SLC7A14: variants seen among roughly 807,000 people sequenced by gnomAD.
SLC7A14 encodes the protein solute carrier family 7 member 14.
Under a neutral mutation model 60.2 loss-of-function variants are expected in SLC7A14, and 37 were observed. The observed-to-expected ratio is 0.61, with a 90% confidence interval of 0.47 to 0.81. The LOEUF is 0.81. Ranked by LOEUF, SLC7A14 falls within the 30% of genes least tolerant of loss-of-function variation. SLC7A14 has a pLI of 0.00. For synonymous variants in SLC7A14, 399 were observed against 395.8 expected (o/e 1.01, Z -0.10); for missense variants, 886 against 982.7 (o/e 0.90, Z 1.32).
rs71176571 is a variant in SLC7A14, at chr3:170,515,320, CAA to C, written c.304+11311_304+11312del. 2.1e-3 allele frequency among the ~76,000 whole-genome samples: 259 copies of C among 124,726 alleles called. 1 individual carries two copies. The highest frequency in any genetic ancestry group is 6.4e-3 in the African/African-American group (205 of 32,062). 81.8% of individuals were successfully genotyped at this position (124,726 alleles called of 152,430 possible). On this transcript the variant is annotated intron_variant, in intron 2 of 7. Transcript: ENST00000231706. The stretch of plus-strand genomic sequence containing the variant: ...AGAGTGAGACTCTGTCCGCCCCCCC[CAA>C]AAAAAAAATATATATATATGTATAT...
Position 170,464,603 on chromosome 3 carries a change from G to T in SLC7A14, c.*2452C>A, listed in dbSNP as rs1739676895. The T allele has an allele frequency of 6.6e-6, 1 of 151,908 alleles. No homozygotes were observed. Among genetic ancestry groups the T allele is most frequent in the Non-Finnish European group, 1.5e-5 (1 of 67,974 alleles). 9.4% of individuals were successfully genotyped at this position (151,908 alleles called of 1,614,324 possible). ...CTAGGGAGGTGATTTATCAACTTTA[G>T]AAAAATAAAGGGAGCTAAGCTTAAA... On this transcript the variant is annotated 3_prime_UTR_variant, in exon 8 of 8. Transcript: ENST00000231706.
At chr3:170,517,087 A>G (rs1189760407) in intron 2 of SLC7A14, among the ~76,000 whole-genome samples, 2 of 151,424 alleles carry the variant, frequency 1.3e-5, no homozygotes, top group African/African-American at 4.9e-5. Flanking sequence ...TGATAGGAAG[A>G]TTGAAAGAAT....
intron 3 of SLC7A14, 110 bp downstream of exon 3, chr3:170,500,999 T>G (rs1712588442): frequency 1.1e-6 from 1 of 902,642 alleles, no homozygotes; most frequent in Non-Finnish European, 1.8e-6. Context: ...AAAAGAGAGA[T>G]ATATTTAAGG....
chr3:170,525,927 C>T (rs1386641881), intron 2 of SLC7A14, among the ~76,000 whole-genome samples: 1 of 152,128 alleles, frequency 6.6e-6, no homozygotes, highest in Non-Finnish European at 1.5e-5. Context: ...AAAAATTAGC[C>T]AGGCGTTGTG....
intron 1 of SLC7A14, among the ~76,000 whole-genome samples, chr3:170,561,926 T>C (rs1477252081): frequency 6.6e-6 from 1 of 151,932 alleles, no homozygotes; most frequent in Non-Finnish European, 1.5e-5. Flanking sequence ...GAAATGCAAA[T>C]AAAACCACAA....
intron 1 of SLC7A14, among the ~76,000 whole-genome samples, chr3:170,549,721 A>G (rs989142336): frequency 2.6e-5 from 4 of 152,320 alleles, no homozygotes; most frequent in Admixed American, 1.3e-4. Flanking sequence ...ATCCTTTGAG[A>G]ATAAACAATG....
At chr3:170,493,344 A>G (rs1388569667) in intron 4 of SLC7A14, among the ~76,000 whole-genome samples, 1 of 152,238 alleles carries the variant, frequency 6.6e-6, no homozygotes, top group East Asian at 1.9e-4. Context: ...GAGCAGGGGA[A>G]AGAGTAGGTT....
At chr3:170,583,211 A>G (rs963107987) in intron 1 of SLC7A14, among the ~76,000 whole-genome samples, 3 of 152,234 alleles carry the variant, frequency 2.0e-5, no homozygotes, top group African/African-American at 7.2e-5. Flanking sequence ...TAGGGCAAGT[A>G]AAGAAATGAC....
At chr3:170,482,232 G>A (rs1711855944) in intron 6 of SLC7A14, among the ~76,000 whole-genome samples, 1 of 152,130 alleles carries the variant, frequency 6.6e-6, no homozygotes, top group African/African-American at 2.4e-5. Flanking sequence ...GTTCACACAA[G>A]ACTGTAAATG....
intron 4 of SLC7A14, among the ~76,000 whole-genome samples, chr3:170,498,274 T>C (rs561055303): frequency 3.3e-5 from 5 of 152,326 alleles, no homozygotes; most frequent in African/African-American, 1.2e-4. Context: ...TGTTTAACAG[T>C]AAGCCATTTG....
At chr3:170,580,660 A>G (rs1715210597) in intron 1 of SLC7A14, among the ~76,000 whole-genome samples, 3 of 152,324 alleles carry the variant, frequency 2.0e-5, no homozygotes, top group Admixed American at 2.0e-4. Context: ...TTAACTCTAA[A>G]CAAAGGTAAA....
rs1264161840 is a variant in SLC7A14 at position 170,496,521 on chromosome 3, A to G, written c.759+2146T>C. 27 of 1,554,158 alleles carry G rather than the reference A, an allele frequency of 1.7e-5. No individual in the cohort carries two copies. In the East Asian group the frequency reaches 6.1e-4, roughly 35 times the overall value. ...GCTGGAGGCCGCCCTGCAGCGGGCC[A>G]AGCAGGACATGGCGCAGCAGCTGCG... On this transcript the variant is annotated intron_variant, in intron 4 of 7. Coordinates refer to ENST00000231706, the MANE Select transcript of SLC7A14 (RefSeq NM_020949.3).
chr3:170,506,217 T>C (rs917734056), intron 2 of SLC7A14, among the ~76,000 whole-genome samples: 2 of 152,180 alleles, frequency 1.3e-5, no homozygotes, highest in African/African-American at 4.8e-5. Context: ...CCTTGAGAAA[T>C]ATAAAGGATT....
intron 1 of SLC7A14, among the ~76,000 whole-genome samples, chr3:170,531,551 T>A (rs1225620169): frequency 6.6e-6 from 1 of 152,194 alleles, no homozygotes; most frequent in African/African-American, 2.4e-5. Context: ...CCTGAGTGCT[T>A]GCTTTATTGA....
At chr3:170,522,817 C>T (rs954757939) in intron 2 of SLC7A14, among the ~76,000 whole-genome samples, 2 of 152,158 alleles carry the variant, frequency 1.3e-5, no homozygotes, top group African/African-American at 2.4e-5. Flanking sequence ...TAAAACTGAA[C>T]TCCAACATCC....
intron 5 of SLC7A14, among the ~76,000 whole-genome samples, chr3:170,485,383 G>A (rs1711992021): frequency 6.6e-6 from 1 of 152,208 alleles, no homozygotes; most frequent in Non-Finnish European, 1.5e-5. Flanking sequence ...CTGATCAGCA[G>A]CAGCACCCCC....
At chr3:170,512,873 C>T (rs540913813) in intron 2 of SLC7A14, among the ~76,000 whole-genome samples, 10 of 151,766 alleles carry the variant, frequency 6.6e-5, no homozygotes, top group Admixed American at 3.9e-4. Context: ...CCGTTTTAGC[C>T]GGGATGGTCT....
chr3:170,558,775 A>G (rs960212992), intron 1 of SLC7A14, among the ~76,000 whole-genome samples: 1 of 152,242 alleles, frequency 6.6e-6, no homozygotes, highest in Non-Finnish European at 1.5e-5. Context: ...GAAGAATTAC[A>G]GAGCTGGATT....
At chr3:170,468,035 T>C (rs1371415350) in intron 7 of SLC7A14, among the ~76,000 whole-genome samples, 3 of 152,224 alleles carry the variant, frequency 2.0e-5, no homozygotes, top group African/African-American at 7.2e-5. Flanking sequence ...TACTATTATG[T>C]CCCTTAGAAC....
Sources: gnomAD v4.1 joint callset for allele counts (sites outside exome capture counted in the v4.1 genomes callset) on GRCh38, gnomAD v4.1.1 for gene constraint, MANE v1.5 for transcripts, NCBI Gene and HGNC (gene_info 2026-07-23, HGNC 2026-07-21) for gene names.